RNLS: variants seen among roughly 807,000 people sequenced by gnomAD.
RNLS encodes the protein renalase, FAD dependent amine oxidase.
RNLS carries 39 observed loss-of-function variants against 39.8 expected under a neutral mutation model. The ratio of observed to expected loss-of-function variants is 0.98; its 90% confidence interval spans 0.76 to 1.28. The LOEUF is 1.28. RNLS is among the 50% of genes most tolerant of loss of function. RNLS has a pLI of 0.00. For synonymous variants in RNLS, 147 were observed against 150.7 expected, an observed-to-expected ratio of 0.98 and a Z score of 0.18; for missense variants, 410 against 413.3, an observed-to-expected ratio of 0.99 and a Z score of 0.07.
intron 4 of RNLS, among the ~76,000 whole-genome samples, chr10:88,446,018 T>A (rs146801025): frequency 2.0e-5 from 3 of 152,104 alleles, no homozygotes; most frequent in Admixed American, 2.0e-4. Flanking sequence ...TACATTCTTC[T>A]CAGCACCACA....
intron 3 of RNLS, among the ~76,000 whole-genome samples, chr10:88,578,356 G>A (rs572207109): frequency 1.3e-5 from 2 of 152,128 alleles, no homozygotes; most frequent in East Asian, 3.9e-4. Context: ...TGGAATCCAG[G>A]TCATTCTGAT....
At chr10:88,434,571 T>C (rs541452532) in intron 4 of RNLS, among the ~76,000 whole-genome samples, 73 of 152,296 alleles carry the variant, frequency 4.8e-4, no homozygotes, top group Non-Finnish European at 9.1e-4. Flanking sequence ...TCTGTTTCCT[T>C]ATCAATAAAC....
intron 5 of RNLS, among the ~76,000 whole-genome samples, chr10:88,323,255 T>G (rs935639654): frequency 1.3e-5 from 2 of 152,006 alleles, no homozygotes; most frequent in Non-Finnish European, 2.9e-5. Context: ...ATTACCTACA[T>G]CATTTTTCAC....
chr10:88,563,516 T>C (rs1261413546), intron 4 of RNLS, among the ~76,000 whole-genome samples: 1 of 152,152 alleles, frequency 6.6e-6, no homozygotes, highest in Non-Finnish European at 1.5e-5. Context: ...TACTGTAATA[T>C]AGTTTTGAAA....
At chr10:88,477,372 G>T (rs1843877190) in intron 4 of RNLS, among the ~76,000 whole-genome samples, 1 of 152,176 alleles carries the variant, frequency 6.6e-6, no homozygotes. Flanking sequence ...TGGGATGTCA[G>T]TTATGATGGT....
chr10:88,362,280 T>C (rs1196258481), intron 5 of RNLS, among the ~76,000 whole-genome samples: 1 of 152,098 alleles, frequency 6.6e-6, no homozygotes, highest in Non-Finnish European at 1.5e-5. Context: ...ATTAAAGCAA[T>C]AGAACTTGGG....
intron 4 of RNLS, among the ~76,000 whole-genome samples, chr10:88,542,070 A>G (rs1043634680): frequency 6.6e-6 from 1 of 152,082 alleles, no homozygotes; most frequent in African/African-American, 2.4e-5. Flanking sequence ...CTTTCCACTG[A>G]GTTTCTGTTT....
intron 4 of RNLS, among the ~76,000 whole-genome samples, chr10:88,466,143 T>C (rs1324550387): frequency 1.3e-5 from 2 of 152,056 alleles, no homozygotes; most frequent in Non-Finnish European, 2.9e-5. Flanking sequence ...TTAGGTGACA[T>C]TGTGGGAAGT....
chr10:88,345,320 T>G (rs1275375736), intron 5 of RNLS, among the ~76,000 whole-genome samples: 1 of 152,182 alleles, frequency 6.6e-6, no homozygotes, highest in African/African-American at 2.4e-5. Context: ...CAGTGCTTAG[T>G]CTTCTCAGAC....
At chr10:88,573,411 G>A (rs1215517069) in intron 3 of RNLS, among the ~76,000 whole-genome samples, 1 of 152,178 alleles carries the variant, frequency 6.6e-6, no homozygotes, top group East Asian at 1.9e-4. Context: ...AATAGATTGA[G>A]AAATAGCATG....
intron 4 of RNLS, among the ~76,000 whole-genome samples, chr10:88,391,345 G>A (rs1379617218): frequency 6.6e-6 from 1 of 152,156 alleles, no homozygotes; most frequent in African/African-American, 2.4e-5. Flanking sequence ...GGATCACAAG[G>A]TCAAGAGGCC....
the RNLS span, among the ~76,000 whole-genome samples, chr10:88,241,701 T>A: frequency 1.3e-5 from 2 of 152,166 alleles, no homozygotes; most frequent in African/African-American, 2.4e-5. Flanking sequence ...CCACACCATA[T>A]TCAAGCTCCC....
intron 5 of RNLS, among the ~76,000 whole-genome samples, chr10:88,347,949 T>A (rs1848419232): frequency 6.6e-6 from 1 of 152,168 alleles, no homozygotes. Flanking sequence ...GGACTGTAAT[T>A]ATAATAGCAA....
At chr10:88,535,412 A>C (rs1847689676) in intron 4 of RNLS, among the ~76,000 whole-genome samples, 1 of 150,994 alleles carries the variant, frequency 6.6e-6, no homozygotes, top group Admixed American at 6.6e-5. Flanking sequence ...ATTATACAGA[A>C]GGTTTTAAAA....
intron 3 of RNLS, among the ~76,000 whole-genome samples, chr10:88,580,906 A>T (rs1298207518): frequency 6.6e-6 from 1 of 152,220 alleles, no homozygotes; most frequent in Non-Finnish European, 1.5e-5. Context: ...ATTAATACAC[A>T]GCACAACCTA....
chr10:88,444,924 A>G (rs1841948257), intron 4 of RNLS, among the ~76,000 whole-genome samples: 1 of 152,226 alleles, frequency 6.6e-6, no homozygotes, highest in Admixed American at 6.5e-5. Flanking sequence ...AACTTCCCCA[A>G]CCTAGCAAGG....
the RNLS span, among the ~76,000 whole-genome samples, chr10:88,180,126 T>C: frequency 3.9e-5 from 6 of 152,176 alleles, no homozygotes. Context: ...TGTCTTTGGG[T>C]GGGGACAGCA....
chr10:88,286,607 G>T (rs567673862), intron 6 of RNLS, among the ~76,000 whole-genome samples: 1 of 151,922 alleles, frequency 6.6e-6, no homozygotes, highest in African/African-American at 2.4e-5. Flanking sequence ...CATTCACCTG[G>T]ATGACAATAT....
chr10:88,334,704 T>G (rs1346226), intron 5 of RNLS, among the ~76,000 whole-genome samples: 68,344 of 152,000 alleles, frequency 0.45, 15,903 homozygotes, highest in South Asian at 0.58. Context: ...TATTGTCTTA[T>G]TTTACATTTC....
Sources: gnomAD v4.1 joint callset for allele counts (sites outside exome capture counted in the v4.1 genomes callset) on GRCh38, gnomAD v4.1.1 for gene constraint, MANE v1.5 for transcripts, NCBI Gene and HGNC (gene_info 2026-07-23, HGNC 2026-07-21) for gene names.